Variants in CATSPERE observed in about 807,000 individuals in gnomAD.
CATSPERE encodes cation channel sperm-associated auxiliary subunit epsilon.
Under a neutral mutation model 114.1 loss-of-function variants are expected in CATSPERE, and 93 were observed. The observed-to-expected ratio is 0.81, with a 90% confidence interval of 0.69 to 0.97. The LOEUF (loss-of-function observed/expected upper bound fraction) is 0.97, where lower values mean the gene tolerates loss of function less well. CATSPERE is among the 50% of genes least tolerant of loss of function. The pLI is 0.00. For synonymous variants in CATSPERE, 341 were observed against 384.1 expected (o/e 0.89, Z 1.31); for missense variants, 1,058 against 1,131.6 (o/e 0.93, Z 0.93).
chr1:244,631,693 T>C (rs187911571), intron 20 of CATSPERE, among the ~76,000 whole-genome samples: 6 of 152,138 alleles, frequency 3.9e-5, no homozygotes, highest in Non-Finnish European at 5.9e-5. Flanking sequence ...AAAAAGCATA[T>C]GAAAAAATGT....
At chr1:244,510,242 C>A (rs1675481688) in intron 7 of CATSPERE, among the ~76,000 whole-genome samples, 1 of 152,150 alleles carries the variant, frequency 6.6e-6, no homozygotes, top group Non-Finnish European at 1.5e-5. Flanking sequence ...GCTTTTACAG[C>A]ATCCCATAGA....
At chr1:244,576,086 C>T (rs1260108629) in intron 11 of CATSPERE, among the ~76,000 whole-genome samples, 2 of 152,160 alleles carry the variant, frequency 1.3e-5, no homozygotes, top group Non-Finnish European at 2.9e-5. Flanking sequence ...ACTTTACCGG[C>T]TCCTCCAGTG....
chr1:244,625,799 A>G lies in CATSPERE; in HGVS notation c.2648+8113A>G, dbSNP rs551942195. 5.4e-5 allele frequency among the ~76,000 whole-genome samples: 8 copies of G among 148,488 alleles called. No individual in the cohort carries two copies. The East Asian group carries it at 1.6e-3, about 30-fold the overall frequency. On this transcript the variant is annotated intron_variant, in intron 20 of 21. Transcript: ENST00000366534. ...AGAGAGGGTCTGGTTCTGTTGCCCA[A>G]TCTGGTTTCAAACTCCTGGGCTCAA... is the stretch of plus-strand genomic sequence containing the variant.
chr1:244,564,348 G>A (rs992282084), intron 10 of CATSPERE, among the ~76,000 whole-genome samples: 2 of 152,130 alleles, frequency 1.3e-5, no homozygotes, highest in Non-Finnish European at 2.9e-5. Context: ...GGGCAGTATG[G>A]CCATTTTCAC....
At chr1:244,526,765 G>C (rs969642864) in intron 8 of CATSPERE, among the ~76,000 whole-genome samples, 1 of 151,118 alleles carries the variant, frequency 6.6e-6, no homozygotes, top group Non-Finnish European at 1.5e-5. Flanking sequence ...ACCTGCCCCC[G>C]CTAGTCACAT....
intron 20 of CATSPERE, among the ~76,000 whole-genome samples, chr1:244,626,020 A>G (rs1673152771): frequency 6.6e-6 from 1 of 152,144 alleles, no homozygotes; most frequent in African/African-American, 2.4e-5. Context: ...CCACTTATAG[A>G]GCACAGGCAG....
intron 5 of CATSPERE, among the ~76,000 whole-genome samples, chr1:244,485,318 AT>A (rs965534032): frequency 6.6e-6 from 1 of 151,958 alleles, no homozygotes; most frequent in Non-Finnish European, 1.5e-5. Context: ...AGCAGCTGGA[AT>A]TACAGGCACC....
At chr1:244,556,412 C>T (rs1661583806) in intron 9 of CATSPERE, among the ~76,000 whole-genome samples, 2 of 151,990 alleles carry the variant, frequency 1.3e-5, no homozygotes, top group Admixed American at 6.6e-5. Context: ...CTAAACACAA[C>T]AATAATTACA....
intron 19 of CATSPERE, among the ~76,000 whole-genome samples, chr1:244,616,326 G>A (rs1671394141): frequency 6.6e-6 from 1 of 152,178 alleles, no homozygotes; most frequent in Admixed American, 6.5e-5. Flanking sequence ...CTGATTGATT[G>A]CAAAGCTCTA....
chr1:244,470,450 A>C (rs1024312603), intron 2 of CATSPERE, among the ~76,000 whole-genome samples: 7 of 152,236 alleles, frequency 4.6e-5, no homozygotes, highest in African/African-American at 1.7e-4. Flanking sequence ...ATGGAAATCA[A>C]AACCATAATA....
intron 8 of CATSPERE, among the ~76,000 whole-genome samples, chr1:244,552,082 A>AAAAAAAAG (rs1660744499): frequency 6.6e-6 from 1 of 151,250 alleles, no homozygotes; most frequent in Non-Finnish European, 1.5e-5. Context: ...AAAAAAAAAA[A>AAAAAAAAG]AAAAAGAATC....
chr1:244,579,574 T>G (rs537666878), intron 11 of CATSPERE, among the ~76,000 whole-genome samples: 1 of 152,344 alleles, frequency 6.6e-6, no homozygotes, highest in African/African-American at 2.4e-5. Context: ...TATATAAGTG[T>G]ACTTGCATAG....
rs1183757479 is a variant in CATSPERE at position 244,542,435 on chromosome 1, G to A, written c.537-9887G>A. On this transcript the variant is annotated intron_variant, in intron 8 of 21. Coordinates refer to ENST00000366534, the MANE Select transcript of CATSPERE (RefSeq NM_001130957.2). Reference sequence around the variant, plus strand: ...CTAGTGTACCCATTACCCAAATAGTGAACATTGTACTCAATAGGTAATTTT... The same window carrying A: ...CTAGTGTACCCATTACCCAAATAGTAAACATTGTACTCAATAGGTAATTTT... Among the ~76,000 whole-genome samples the A allele has an allele frequency of 2.0e-5, 3 of 152,168 alleles. No individual in the cohort carries two copies. The East Asian group carries it at 5.8e-4, about 29-fold the overall frequency.
intron 2 of CATSPERE, among the ~76,000 whole-genome samples, chr1:244,468,571 G>T (rs925767249): frequency 6.6e-6 from 1 of 152,182 alleles, no homozygotes; most frequent in South Asian, 2.1e-4. Flanking sequence ...TAAAGGGCAA[G>T]AGAGTAATAT....
upstream of CATSPERE, among the ~76,000 whole-genome samples, chr1:244,452,308 T>C (rs1665671863): frequency 6.6e-6 from 1 of 152,266 alleles, no homozygotes; most frequent in South Asian, 2.1e-4. Context: ...CGGTGTATTC[T>C]GGGGCCACTG....
At chr1:244,453,700 CG>C (rs35275228), upstream of CATSPERE, among the ~76,000 whole-genome samples, 1 of 152,152 alleles carries the variant, frequency 6.6e-6, no homozygotes, top group East Asian at 1.9e-4. Flanking sequence ...GAAATAGCCC[CG>C]GGGAGACGTC....
intron 2 of CATSPERE, among the ~76,000 whole-genome samples, chr1:244,468,744 C>T (rs1668005675): frequency 2.6e-5 from 4 of 152,074 alleles, no homozygotes; most frequent in Admixed American, 1.3e-4. Context: ...CATGGCCAGA[C>T]CCCATCTCTA....
chr1:244,479,966 A>G (rs1231235606), intron 5 of CATSPERE, among the ~76,000 whole-genome samples, 182 bp downstream of exon 5: 1 of 152,262 alleles, frequency 6.6e-6, no homozygotes, highest in African/African-American at 2.4e-5. Flanking sequence ...AATAAGAGCA[A>G]CCACTATTTG....
chr1:244,459,452 T>C (rs1031668836), upstream of CATSPERE, among the ~76,000 whole-genome samples: 13 of 152,230 alleles, frequency 8.5e-5, no homozygotes, highest in African/African-American at 2.7e-4. Context: ...GAAAAAAGCC[T>C]AAGTGAAAAA....
Sources: allele counts gnomAD v4.1 joint callset (sites outside exome capture counted in the v4.1 genomes callset), GRCh38; gene constraint gnomAD v4.1.1; transcripts MANE v1.5; gene names NCBI Gene and HGNC (gene_info 2026-07-23, HGNC 2026-07-21).